Variants in ZPBP observed in about 807,000 individuals in gnomAD.
The protein encoded by ZPBP is zona pellucida-binding protein 1.
Under a neutral mutation model 44.8 loss-of-function variants are expected in ZPBP, and 26 were observed. That is an observed-to-expected ratio of 0.58 (90% CI 0.43 to 0.81). ZPBP has a LOEUF of 0.81. ZPBP is among the 30% of genes least tolerant of loss of function. The pLI, the probability that ZPBP is intolerant of heterozygous loss-of-function variation, is 0.00. For missense variants in ZPBP, 409 were observed against 434.0 expected, an observed-to-expected ratio of 0.94 and a Z score of 0.51; for synonymous variants, 174 against 153.2, an observed-to-expected ratio of 1.14 and a Z score of -1.00.
chr7:49,841,464 T>C, the ZPBP span, among the ~76,000 whole-genome samples: 3 of 152,242 alleles, frequency 2.0e-5, no homozygotes, highest in Non-Finnish European at 4.4e-5. Context: ...GTTTTAAGTA[T>C]GGATATAAAA....
chr7:49,903,703 T>C (rs973159695), intron 1 of ZPBP, among the ~76,000 whole-genome samples: 2 of 152,170 alleles, frequency 1.3e-5, no homozygotes, highest in African/African-American at 4.8e-5. Context: ...TATGCACATA[T>C]TATTGAAGTG....
chr7:49,840,679 T>G, the ZPBP span, among the ~76,000 whole-genome samples: 2 of 152,298 alleles, frequency 1.3e-5, 1 homozygote, highest in South Asian at 4.1e-4. Flanking sequence ...GAAAATTGCT[T>G]CAGTGCAGCT....
At chr7:49,976,350 G>T (rs1796518020) in intron 7 of ZPBP, among the ~76,000 whole-genome samples, 1 of 151,462 alleles carries the variant, frequency 6.6e-6, no homozygotes, top group Admixed American at 6.6e-5. Context: ...TTTGCCTACA[G>T]CAATTCTCTC....
At chr7:49,870,989 A>G (rs1418746806) in intron 2 of ZPBP, among the ~76,000 whole-genome samples, 1 of 152,230 alleles carries the variant, frequency 6.6e-6, no homozygotes, top group Non-Finnish European at 1.5e-5. Context: ...TTGATAATCA[A>G]AATGGTAAAA....
At chr7:50,092,663 C>T (rs184577828) in intron 1 of ZPBP, among the ~76,000 whole-genome samples, 17 of 152,202 alleles carry the variant, frequency 1.1e-4, no homozygotes, top group Non-Finnish European at 2.2e-4. Flanking sequence ...CAGCTAAAAC[C>T]AATAGATGGC....
intron 6 of ZPBP, among the ~76,000 whole-genome samples, chr7:49,984,812 A>G (rs1467480796): frequency 6.6e-6 from 1 of 152,188 alleles, no homozygotes; most frequent in Non-Finnish European, 1.5e-5. Context: ...TTTGGGTTCC[A>G]TCCCCATGAT....
intron 3 of ZPBP, among the ~76,000 whole-genome samples, chr7:50,075,136 A>G (rs996123566): frequency 8.6e-5 from 13 of 151,986 alleles, no homozygotes; most frequent in Admixed American, 1.3e-4. Flanking sequence ...AACTACACAA[A>G]TACATAGAAA....
At chr7:49,964,806 C>T (rs1024599384) in intron 7 of ZPBP, among the ~76,000 whole-genome samples, 2 of 152,076 alleles carry the variant, frequency 1.3e-5, no homozygotes, top group African/African-American at 2.4e-5. Context: ...GTCTGAGTTA[C>T]CTTCTCTTGA....
At chr7:49,960,962 C>A (rs745336065) in intron 7 of ZPBP, among the ~76,000 whole-genome samples, 37 of 152,056 alleles carry the variant, frequency 2.4e-4, no homozygotes, top group Non-Finnish European at 5.0e-4. Flanking sequence ...CTGTATAACA[C>A]AAAATTATAC....
intron 2 of ZPBP, among the ~76,000 whole-genome samples, chr7:49,880,496 CTTT>C (rs1390944990): frequency 6.6e-6 from 1 of 151,610 alleles, no homozygotes; most frequent in African/African-American, 2.4e-5. Context: ...AATTCAGCTT[CTTT>C]ATTAGATATC....
At chr7:49,939,273 T>C (rs1230446965) in intron 7 of ZPBP, among the ~76,000 whole-genome samples, 1 of 152,176 alleles carries the variant, frequency 6.6e-6, no homozygotes, top group Non-Finnish European at 1.5e-5. Context: ...ATGCTTTATA[T>C]TGATTATCAA....
intron 2 of ZPBP, among the ~76,000 whole-genome samples, chr7:49,857,009 C>CAAAAAAAAAAAAAAAAAAAA (rs59910243): frequency 7.6e-5 from 4 of 52,786 alleles, no homozygotes; most frequent in Admixed American, 7.7e-4. Context: ...GATACTGTCT[C>CAAAAAAAAAAAAAAAAAAAA]AAAAAAAAAA....
chr7:49,980,224 T>C (rs1796769157), intron 7 of ZPBP, among the ~76,000 whole-genome samples: 2 of 122,678 alleles, frequency 1.6e-5, no homozygotes, highest in East Asian at 4.4e-4. Flanking sequence ...TATAAAATTA[T>C]ATAATATAAA....
At position 49,943,504 on chromosome 7, in the gene ZPBP, T is replaced by G. The variant is rs1330521867; in HGVS notation, c.962-5882A>C. 9.0e-5 allele frequency: 39 copies of G among 431,246 alleles called. No homozygotes were observed. The East Asian group carries it at 1.2e-3, about 14-fold the overall frequency. The allele number at this position is 431,246 out of a possible 1,614,324, so 26.7% of individuals were successfully genotyped here. On this transcript the variant is annotated intron_variant, in intron 7 of 7. Coordinates refer to ENST00000046087, the MANE Select transcript of ZPBP (RefSeq NM_007009.3). ...ATAGCCAATGAACCCAACACTCATC[T>G]GTTTCTTGTCAGTGTACAACTTTCC... is the stretch of plus-strand genomic sequence containing the variant.
rs570280336 is a variant in ZPBP at position 49,982,274 on chromosome 7, A to T, written c.961+1068T>A. ...TATATTTATATTATATATTATATAT[A>T]ATTTATAATTATACATAATATATAT... On this transcript the variant is annotated intron_variant, in intron 7 of 7. Coordinates refer to ENST00000046087, the MANE Select transcript of ZPBP (RefSeq NM_007009.3). Among the ~76,000 whole-genome samples, 417 of 105,322 alleles carry T rather than the reference A, an allele frequency of 4.0e-3. 4 individuals carry two copies. The highest frequency in any genetic ancestry group is 0.014 in the African/African-American group (375 of 26,736). 69.1% of individuals were successfully genotyped at this position (105,322 alleles called of 152,430 possible).
rs775758667 is a variant in ZPBP at position 49,983,389 on chromosome 7, C to A, written c.914G>T (p.Gly305Val). The A allele has an allele frequency of 4.2e-5, 67 of 1,613,318 alleles. 1 individual carries two copies. The highest frequency in any genetic ancestry group is 5.4e-5 in the Non-Finnish European group (64 of 1,179,650). ...QMVWINRCFP[G>V]YGMNVQQHPK... Reference sequence around the variant, plus strand: ...ATGTTGCTGGACATTCATTCCATATCCTGGAAAGCAGCGATTAATCCAAAC... The same window carrying A: ...ATGTTGCTGGACATTCATTCCATATACTGGAAAGCAGCGATTAATCCAAAC... The change falls in exon 7 of 8, where the codon GGA becomes GTA. Residue 305 changes from glycine (G) to valine (V), a missense_variant. By Grantham distance (109) the Gly-to-Val change is moderately radical. Around this residue, in one of 2 missense-constraint regions of ZPBP, gnomAD observed 42 missense variants for 71.0 expected, o/e 0.59. Coordinates refer to ENST00000046087, the MANE Select transcript of ZPBP (RefSeq NM_007009.3).
At chr7:49,907,857 G>A (rs2128940) in intron 1 of ZPBP, among the ~76,000 whole-genome samples, 4,374 of 152,194 alleles carry the variant, frequency 0.029, 236 homozygotes, top group African/African-American at 0.1. Context: ...TTAAGATAAG[G>A]GGTTGTGGAG....
intron 4 of ZPBP, among the ~76,000 whole-genome samples, chr7:50,054,861 T>C (rs1800856929): frequency 6.6e-6 from 1 of 151,808 alleles, no homozygotes; most frequent in African/African-American, 2.4e-5. Flanking sequence ...CACACAAACA[T>C]ACACACACAC....
intron 2 of ZPBP, among the ~76,000 whole-genome samples, chr7:49,892,437 A>C (rs540318102): frequency 6.6e-6 from 1 of 152,338 alleles, no homozygotes; most frequent in Non-Finnish European, 1.5e-5. Flanking sequence ...TTATGAACAT[A>C]ATATTGAGGA....
Sources: gnomAD v4.1 joint callset for allele counts (sites outside exome capture counted in the v4.1 genomes callset) on GRCh38, gnomAD v4.1.1 for gene constraint, gnomAD v4.1.1 regional missense constraint, MANE v1.5 for transcripts, NCBI Gene and HGNC (gene_info 2026-07-23, HGNC 2026-07-21) for gene names.